PCDHA9: variants seen among roughly 807,000 people sequenced by gnomAD.
PCDHA9 encodes protocadherin alpha 9, also known as protocadherin alpha-9.
Under a neutral mutation model 62.0 loss-of-function variants are expected in PCDHA9, and 62 were observed. That is an observed-to-expected ratio of 1.00 (90% CI 0.81 to 1.23). The LOEUF is 1.23. Among genes scored for constraint, PCDHA9 ranks in the 50% most tolerant of loss-of-function variants. The probability of loss-of-function intolerance (pLI) is 0.00; values close to 1 mark genes in which losing one functional copy is unlikely to be tolerated. For synonymous variants in PCDHA9, 557 were observed against 567.6 expected, an observed-to-expected ratio of 0.98 and a Z score of 0.27; for missense variants, 1,205 against 1,249.8, an observed-to-expected ratio of 0.96 and a Z score of 0.54.
At chr5:140,972,797 G>A (rs1563419152) in intron 1 of PCDHA9, among the ~76,000 whole-genome samples, 3 of 151,664 alleles carry the variant, frequency 2.0e-5, no homozygotes, top group Admixed American at 2.0e-4. Flanking sequence ...CTGAGTAGCT[G>A]AGATTACAGG....
rs868923213 is a variant in PCDHA9 at position 140,920,059 on chromosome 5, G to C, written c.2395-58890G>C. 3.9e-5 allele frequency among the ~76,000 whole-genome samples: 6 copies of C among 152,144 alleles called. No individual in the cohort carries two copies. The South Asian group carries it at 6.2e-4, about 16-fold the overall frequency. The stretch of plus-strand genomic sequence containing the variant: ...GTGATGTCAACAGCCACCAACACCT[G>C]GAAAAGGCAGAAACAGATTCTCCGT... On this transcript the variant is annotated intron_variant, in intron 1 of 3. Transcript: ENST00000532602.
At chr5:140,985,348 A>G (rs1197077354) in intron 3 of PCDHA9, among the ~76,000 whole-genome samples, 2 of 152,190 alleles carry the variant, frequency 1.3e-5, no homozygotes, top group Non-Finnish European at 2.9e-5. Context: ...AGGCCCAGAT[A>G]TAGACCCTCT....
chr5:140,870,521 T>A (rs782364094), intron 1 of PCDHA9: 2 of 1,614,078 alleles, frequency 1.2e-6, no homozygotes, highest in Non-Finnish European at 8.5e-7. Flanking sequence ...GGCTGCCACA[T>A]CTTCACAGTG....
chr5:140,966,958 G>C (rs561982676), intron 1 of PCDHA9: 1 of 1,602,498 alleles, frequency 6.2e-7, no homozygotes, highest in South Asian at 1.1e-5. Context: ...TGGCTCGCGC[G>C]CTGGGGCTTG....
At chr5:140,968,094 A>T in intron 1 of PCDHA9, 1 of 1,614,138 alleles carries the variant, frequency 6.2e-7, no homozygotes, top group Non-Finnish European at 8.5e-7. Flanking sequence ...ACAGCCACAG[A>T]TGGGGGAATA....
chr5:140,891,345 G>T (rs2063056241), intron 1 of PCDHA9, among the ~76,000 whole-genome samples: 1 of 151,958 alleles, frequency 6.6e-6, no homozygotes, highest in Admixed American at 6.6e-5. Context: ...AGATTTTGGT[G>T]CATCCATCAC....
At chr5:140,999,521 T>C (rs1554256849) in intron 3 of PCDHA9, among the ~76,000 whole-genome samples, 1 of 152,106 alleles carries the variant, frequency 6.6e-6, no homozygotes, top group Non-Finnish European at 1.5e-5. Flanking sequence ...AGCATTTTGT[T>C]ACCCCCTGGA....
At chr5:140,905,855 A>G (rs1297642648) in intron 1 of PCDHA9, among the ~76,000 whole-genome samples, 1 of 152,128 alleles carries the variant, frequency 6.6e-6, no homozygotes, top group East Asian at 1.9e-4. Context: ...AGGAGTATTA[A>G]CTCACACAAT....
rs781991042 is a variant in PCDHA9, at chr5:140,968,933, A to G, written c.2395-10016A>G. ...AGTGTCTTTTATATTTCTTTTGACA[A>G]TCATCATTTTGAGCATCATCAAGTG... On this transcript the variant is annotated intron_variant, in intron 1 of 3. Transcript: ENST00000532602. 77 of 1,614,052 alleles carry G rather than the reference A, an allele frequency of 4.8e-5. No individual in the cohort carries two copies. Among genetic ancestry groups the G allele is most frequent in the Non-Finnish European group, 6.0e-5 (71 of 1,180,034 alleles).
At chr5:140,948,313 G>T (rs1554218515) in intron 1 of PCDHA9, among the ~76,000 whole-genome samples, 2 of 151,362 alleles carry the variant, frequency 1.3e-5, no homozygotes, top group Non-Finnish European at 3.0e-5. Flanking sequence ...TCTTCTTGAG[G>T]GGTAATGTTT....
intron 1 of PCDHA9, chr5:140,868,350 A>G (rs962248912): frequency 6.6e-6 from 1 of 152,186 alleles, no homozygotes; most frequent in East Asian, 1.9e-4. Flanking sequence ...ATAATCAGAA[A>G]GCAATTAAAT....
intron 1 of PCDHA9, chr5:140,882,928 C>T: frequency 6.2e-7 from 1 of 1,614,140 alleles, no homozygotes; most frequent in Non-Finnish European, 8.5e-7. Context: ...GAGGTAAACC[C>T]GAGCTGACTG....
At chr5:140,994,236 A>G (rs1222556974) in intron 3 of PCDHA9, among the ~76,000 whole-genome samples, 3 of 152,170 alleles carry the variant, frequency 2.0e-5, no homozygotes, top group African/African-American at 4.8e-5. Context: ...GTTATAATCA[A>G]TTCAAACCCT....
In PCDHA9 at chr5:140,946,631, T is replaced by TATATATATATATACAC. The variant is rs57893927; in HGVS notation, c.2395-32317_2395-32316insTATATATATATACACA. ...TGTGAAATATATATATATATATATA[T>TATATATATATATACAC]ACAATGGAATACTCATCAGCCATTA... On this transcript the variant is annotated intron_variant, in intron 1 of 3. Coordinates refer to ENST00000532602, the MANE Select transcript of PCDHA9 (RefSeq NM_031857.2). Among the ~76,000 whole-genome samples the TATATATATATATACAC allele has an allele frequency of 4.3e-4, 57 of 131,850 alleles. 1 individual carries two copies. Among genetic ancestry groups the TATATATATATATACAC allele is most frequent in the East Asian group, 1.6e-3 (8 of 4,866 alleles). The allele number at this position is 131,850 out of a possible 152,430, so 86.5% of individuals were successfully genotyped here.
rs1554244374 is a variant in PCDHA9 at position 140,982,509 on chromosome 5, GC to G, written c.2489del (p.Ala830ValfsTer85). ...VHLEEAGILR[A>X]GPGGPDQQWP... is the part of the protein sequence containing the mutation. ...CCTAGAGGAGGCTGGCATTCTACGGGCTGGTCCAGGAGGGCCTGATCAGCAG... is the reference window on the plus strand; with the variant it reads ...CCTAGAGGAGGCTGGCATTCTACGGGTGGTCCAGGAGGGCCTGATCAGCAG... On this transcript the variant is annotated frameshift_variant, in exon 3 of 4. Transcript: ENST00000532602. LOFTEE classifies it high-confidence loss of function. 6.2e-7 allele frequency: 1 copy of G among 1,614,206 alleles called. No homozygotes were observed. Among genetic ancestry groups the G allele is most frequent in the Non-Finnish European group, 8.5e-7 (1 of 1,180,032 alleles).
chr5:140,870,655 G>A (rs1554164527), intron 1 of PCDHA9: 1 of 1,612,540 alleles, frequency 6.2e-7, no homozygotes, highest in Non-Finnish European at 8.5e-7. Context: ...CAAGGTGTAC[G>A]CGCTGCAGCC....
At position 140,870,438 on chromosome 5, in the gene PCDHA9, C is replaced by T. The variant is rs192088459; in HGVS notation, c.2394+19549C>T. 3.9e-4 allele frequency: 630 copies of T among 1,614,178 alleles called. 3 individuals are homozygous for T. The African/African-American group carries it at 7.7e-3, about 20-fold the overall frequency. On this transcript the variant is annotated intron_variant, in intron 1 of 3. Coordinates refer to ENST00000532602, the MANE Select transcript of PCDHA9 (RefSeq NM_031857.2). ...CGGCCAGGGTATCCGTGGAGGTGGCCGACGTGAACGACAATGCGCCTGCGT... is the reference window on the plus strand; with the variant it reads ...CGGCCAGGGTATCCGTGGAGGTGGCTGACGTGAACGACAATGCGCCTGCGT...
chr5:140,876,261 A>G (rs2056242888), intron 1 of PCDHA9: 9 of 1,613,942 alleles, frequency 5.6e-6, no homozygotes, highest in Non-Finnish European at 7.6e-6. Context: ...GAGTGATCCA[A>G]CTAAATGCTT....
intron 1 of PCDHA9, among the ~76,000 whole-genome samples, chr5:140,903,212 A>G (rs1387552422): frequency 6.6e-6 from 1 of 152,192 alleles, no homozygotes; most frequent in African/African-American, 2.4e-5. Context: ...CACCACATTC[A>G]TGCCAACATC....
Sources: allele counts gnomAD v4.1 joint callset (sites outside exome capture counted in the v4.1 genomes callset), GRCh38; gene constraint gnomAD v4.1.1; transcripts MANE v1.5; gene names NCBI Gene and HGNC (gene_info 2026-07-23, HGNC 2026-07-21).